Variants in NEBL observed in about 807,000 individuals in gnomAD.
NEBL encodes the protein nebulette, also known as LIM and SH3 protein 2.
NEBL carries 122 observed loss-of-function variants against 140.2 expected under a neutral mutation model. That is an observed-to-expected ratio of 0.87 (90% CI 0.75 to 1.01). NEBL has a LOEUF of 1.01. Ranked by LOEUF, NEBL falls within the 50% of genes least tolerant of loss-of-function variation. NEBL has a pLI of 0.00. For missense variants in NEBL, 1,365 were observed against 1,231.3 expected, an observed-to-expected ratio of 1.11 and a Z score of -1.62; for synonymous variants, 436 against 398.9, an observed-to-expected ratio of 1.09 and a Z score of -1.11.
intron 2 of NEBL, among the ~76,000 whole-genome samples, chr10:21,167,389 G>C (rs150437990): frequency 1.6e-4 from 24 of 152,302 alleles, no homozygotes; most frequent in African/African-American, 5.8e-4. Context: ...AGGCAGGTCA[G>C]AGGAAATGTT....
chr10:20,799,304 T>A (rs984356828), intron 26 of NEBL, among the ~76,000 whole-genome samples: 1 of 152,122 alleles, frequency 6.6e-6, no homozygotes, highest in African/African-American at 2.4e-5. Context: ...CACAGGTACG[T>A]GCCACCACAC....
Position 21,240,082 on chromosome 10 carries a change from G to A in NEBL, n.348+7839C>T, listed in dbSNP as rs1197522985. Among the ~76,000 whole-genome samples the A allele has an allele frequency of 2.6e-5, 4 of 151,826 alleles. No homozygotes were observed. The East Asian group carries it at 7.8e-4, about 29-fold the overall frequency. The stretch of plus-strand genomic sequence containing the variant: ...TTCCTGTTGGTACAATAAAATAGAA[G>A]CAAAACAGAATTTTGTAAACTAGCC... On this transcript the variant is annotated intron_variant and non_coding_transcript_variant, in intron 3 of 8. Coordinates refer to the NEBL transcript ENST00000675702.
chr10:20,913,504 C>T (rs777461457), intron 4 of NEBL, among the ~76,000 whole-genome samples: 1 of 152,026 alleles, frequency 6.6e-6, no homozygotes, highest in Non-Finnish European at 1.5e-5. Flanking sequence ...TTATTATCTG[C>T]ATTAAGAGGT....
At chr10:20,951,460 G>A (rs1835459654) in intron 4 of NEBL, among the ~76,000 whole-genome samples, 1 of 148,448 alleles carries the variant, frequency 6.7e-6, no homozygotes, top group Non-Finnish European at 1.5e-5. Context: ...AAATTAGAGA[G>A]CATAGTTGCA....
In NEBL at chr10:20,880,844, C is replaced by G. The variant is rs147430943; in HGVS notation, c.430G>C (p.Glu144Gln). ...KGFSDYAHMK[E>Q]PPEVKHAMEV... ...ATGGCATGTTTAACCTCAGGGGGCT[C>G]CTTCATGTGGGCATAATCTGAGAAT... The change falls in exon 5 of 28, where the codon GAG becomes CAG. Residue 144 changes from glutamate to glutamine, a missense_variant. Glu to Gln is a conservative substitution (Grantham distance 29). Transcript: ENST00000377122. The G allele has an allele frequency of 1.4e-5, 22 of 1,613,968 alleles. No homozygotes were observed. The highest frequency in any genetic ancestry group is 1.8e-5 in the Non-Finnish European group (21 of 1,180,014).
upstream of NEBL, among the ~76,000 whole-genome samples, chr10:20,898,460 G>A (rs532582772): frequency 6.6e-6 from 1 of 151,144 alleles, no homozygotes; most frequent in African/African-American, 2.4e-5. Context: ...AAAATGCCTT[G>A]GCCTTACCTA....
At chr10:20,919,031 T>C (rs1833450289) in intron 4 of NEBL, among the ~76,000 whole-genome samples, 1 of 152,128 alleles carries the variant, frequency 6.6e-6, no homozygotes, top group Non-Finnish European at 1.5e-5. Flanking sequence ...TTTTTTCCTT[T>C]GGTATTACTA....
At chr10:21,011,347 T>A (rs1472444146) in intron 3 of NEBL, among the ~76,000 whole-genome samples, 1 of 152,212 alleles carries the variant, frequency 6.6e-6, no homozygotes, top group Non-Finnish European at 1.5e-5. Context: ...CTTCTTTATG[T>A]GTTAGAGCTG....
At chr10:20,996,854 A>C (rs184866064) in intron 3 of NEBL, among the ~76,000 whole-genome samples, 21 of 152,332 alleles carry the variant, frequency 1.4e-4, no homozygotes, top group Non-Finnish European at 2.4e-4. Flanking sequence ...GTTTTTGTGC[A>C]AATATTTTTT....
At chr10:20,920,942 G>A (rs1482683496) in intron 4 of NEBL, among the ~76,000 whole-genome samples, 3 of 152,150 alleles carry the variant, frequency 2.0e-5, no homozygotes, top group African/African-American at 7.2e-5. Context: ...TAGCCAGCTT[G>A]CTATTCATAT....
rs189912436 is a variant in NEBL, at chr10:21,071,421, A to T, written c.165-51220T>A. 2.7e-3 allele frequency among the ~76,000 whole-genome samples: 411 copies of T among 152,172 alleles called. 1 individual carries two copies. Among genetic ancestry groups the T allele is most frequent in the African/African-American group, 9.3e-3 (386 of 41,522 alleles). On this transcript the variant is annotated intron_variant, in intron 2 of 6. Coordinates refer to the NEBL transcript ENST00000417816. ...TGTTTTTCCCCTTTCAAAGCCCTAC[A>T]AAAGGACTTTTCAAATTTTTCTCTG...
intron 1 of NEBL, among the ~76,000 whole-genome samples, chr10:21,258,065 GA>G (rs1311084970): frequency 1.3e-5 from 2 of 152,186 alleles, no homozygotes; most frequent in Non-Finnish European, 2.9e-5. Flanking sequence ...CGGGAAACAG[GA>G]GTGAGAAAGC....
intron 4 of NEBL, among the ~76,000 whole-genome samples, chr10:20,904,672 A>AAC (rs932816660): frequency 4.6e-5 from 7 of 152,314 alleles, no homozygotes; most frequent in Admixed American, 3.9e-4. Flanking sequence ...TCACACATGC[A>AAC]ACACACACAC....
intron 27 of NEBL, among the ~76,000 whole-genome samples, chr10:20,786,594 G>A (rs1835425568): frequency 6.6e-6 from 1 of 152,160 alleles, no homozygotes; most frequent in Non-Finnish European, 1.5e-5. Context: ...GGACATGGCT[G>A]GGACCCAAAG....
At chr10:21,036,541 G>A (rs1834023317) in intron 2 of NEBL, among the ~76,000 whole-genome samples, 1 of 152,082 alleles carries the variant, frequency 6.6e-6, no homozygotes, top group Admixed American at 6.6e-5. Context: ...TCAATGAATA[G>A]GAGCAGATTG....
At chr10:20,792,087 A>G (rs577906208) in intron 26 of NEBL, among the ~76,000 whole-genome samples, 5 of 151,402 alleles carry the variant, frequency 3.3e-5, no homozygotes, top group Non-Finnish European at 2.9e-5. Context: ...CCCCTCAATG[A>G]CTATAGAGAT....
At chr10:20,854,725 T>C (rs1842885931) in intron 9 of NEBL, among the ~76,000 whole-genome samples, 1 of 151,742 alleles carries the variant, frequency 6.6e-6, no homozygotes, top group African/African-American at 2.4e-5. Flanking sequence ...TCACCATGCC[T>C]AGCTAATTTC....
intron 2 of NEBL, among the ~76,000 whole-genome samples, chr10:21,132,459 GTT>G (rs1839159406): frequency 6.6e-6 from 1 of 152,088 alleles, no homozygotes; most frequent in Admixed American, 6.6e-5. Flanking sequence ...CATGTACAAG[GTT>G]TTGTATGGAT....
chr10:20,999,164 A>C (rs866660108), intron 3 of NEBL, among the ~76,000 whole-genome samples: 1 of 133,356 alleles, frequency 7.5e-6, no homozygotes. Context: ...TGTGGGGGGA[A>C]AAAAAAAAAA....
Sources: gnomAD v4.1 joint callset for allele counts (sites outside exome capture counted in the v4.1 genomes callset) on GRCh38, gnomAD v4.1.1 for gene constraint, MANE v1.5 for transcripts, NCBI Gene and HGNC (gene_info 2026-07-23, HGNC 2026-07-21) for gene names.